The following SACS variants were observed in gnomAD, a reference collection of about 807,000 sequenced individuals.
SACS encodes the protein sacsin molecular chaperone.
SACS carries 197 observed loss-of-function variants against 348.0 expected under a neutral mutation model. That is an observed-to-expected ratio of 0.57 (90% CI 0.50 to 0.64). SACS has a LOEUF of 0.64. Ranked by LOEUF, SACS falls within the 30% of genes least tolerant of loss-of-function variation. SACS has a pLI of 0.00. For missense variants in SACS, 4,999 were observed against 5,360.8 expected (o/e 0.93, Z 2.11); for synonymous variants, 1,985 against 1,910.6 (o/e 1.04, Z -1.02).
In SACS at chr13:23,338,853, C is replaced by G. The variant is rs757209941; in HGVS notation, c.5023G>C (p.Glu1675Gln). 3.1e-6 allele frequency: 5 copies of G among 1,612,890 alleles called. No homozygotes were observed. The highest frequency in any genetic ancestry group is 3.3e-4 in the Middle Eastern group (2 of 6,062). Residue 1675 changes from glutamate (E) to glutamine (Q), a missense_variant, in exon 10 of 10, where the codon GAA becomes CAA. Glu to Gln is a conservative substitution (Grantham distance 29). Around this residue, in one of 6 missense-constraint regions of SACS, gnomAD observed 3,156 missense variants for 3,380.1 expected, o/e 0.93. Transcript: ENST00000382292. ...NTADIYSLVD[E>Q]FSLCGHRLII... ...AGCCTGTGTCCACAGAGACTAAATTCATCCACAAGAGAATAAATATCTGCT... is the reference window on the plus strand; with the variant it reads ...AGCCTGTGTCCACAGAGACTAAATTGATCCACAAGAGAATAAATATCTGCT...
intron 2 of SACS, among the ~76,000 whole-genome samples, chr13:23,401,388 T>C (rs34706014): frequency 0.093 from 14,230 of 152,258 alleles, 839 homozygotes; most frequent in South Asian, 0.13. Flanking sequence ...CCCTCCCCAC[T>C]TCCAGTCTTC....
Position 23,332,229 on chromosome 13 carries a change from C to T in SACS, c.11647G>A (p.Gly3883Ser). The change falls in exon 10 of 10, where the codon GGT becomes AGT. Residue 3883 changes from glycine to serine, a missense_variant. By Grantham distance (56) the Gly-to-Ser change is moderately conservative. Coordinates refer to ENST00000382292, the MANE Select transcript of SACS (RefSeq NM_014363.6). ...EMRTVKRVVS[G>S]LFRSLQNDSV... The stretch of plus-strand genomic sequence containing the variant: ...TCATTCTGTAGACTCCTGAACAGAC[C>T]AGAAACTACTCTCTTAACTGTACGC... 6.2e-7 allele frequency: 1 copy of T among 1,613,952 alleles called. No homozygotes were observed. Among genetic ancestry groups the T allele is most frequent in the Non-Finnish European group, 8.5e-7 (1 of 1,179,940 alleles).
In SACS at chr13:23,329,650, T is replaced by A; in HGVS notation, c.*486A>T. 1 of 536,912 alleles carries A rather than the reference T, an allele frequency of 1.9e-6. No homozygotes were observed. Among genetic ancestry groups the A allele is most frequent in the Non-Finnish European group, 3.2e-6 (1 of 309,234 alleles). 33.3% of individuals were successfully genotyped at this position (536,912 alleles called of 1,614,324 possible). On this transcript the variant is annotated 3_prime_UTR_variant, in exon 10 of 10. Coordinates refer to ENST00000382292, the MANE Select transcript of SACS (RefSeq NM_014363.6). ...ACATAAAATTACAACAAATTCATGA[T>A]CAGAGCCAGCTGATGAGAAAATAAC...
intron 1 of SACS, among the ~76,000 whole-genome samples, chr13:23,420,717 C>T (rs1174098774): frequency 6.6e-6 from 1 of 151,966 alleles, no homozygotes; most frequent in Non-Finnish European, 1.5e-5. Flanking sequence ...TGCCTGAGGA[C>T]TTCCTGGGCC....
intron 2 of SACS, among the ~76,000 whole-genome samples, chr13:23,408,703 C>T (rs568065053): frequency 2.0e-5 from 3 of 152,252 alleles, no homozygotes; most frequent in East Asian, 1.9e-4. Context: ...CAGTGGCTCA[C>T]GCCTGGAATC....
intron 1 of SACS, among the ~76,000 whole-genome samples, chr13:23,430,063 C>T (rs1327118654): frequency 6.6e-6 from 1 of 152,022 alleles, no homozygotes; most frequent in African/African-American, 2.4e-5. Context: ...CAAAAATTAG[C>T]CGGACGTGGT....
intron 6 of SACS, among the ~76,000 whole-genome samples, chr13:23,364,556 C>T (rs1242888196): frequency 6.6e-6 from 1 of 152,212 alleles, no homozygotes; most frequent in Non-Finnish European, 1.5e-5. Flanking sequence ...GCTAGGATTA[C>T]AGGCGTGAGC....
Position 23,330,463 on chromosome 13 carries a change from C to T in SACS, c.13413G>A (p.Glu4471=). The change falls in exon 10 of 10, where the codon GAG becomes GAA. Residue 4471 remains glutamate, a synonymous_variant. Transcript: ENST00000382292. The part of the protein sequence containing the change: ...ARNDLHKNAN[E]WVCFKCYLST... ...AAAGGTAACATTTAAAGCACACCCA[C>T]TCATTGGCATTTTTATGAAGGTCAT... The T allele has an allele frequency of 6.2e-7, 1 of 1,614,210 alleles. No individual in the cohort carries two copies. The highest frequency in any genetic ancestry group is 8.5e-7 in the Non-Finnish European group (1 of 1,180,040).
Position 23,340,975 on chromosome 13 carries a change from T to C in SACS, c.2901A>G (p.Ile967Met), listed in dbSNP as rs1021788532. The change falls in exon 10 of 10, where the codon ATA becomes ATG. Residue 967 changes from isoleucine (I) to methionine (M), a missense_variant. Physicochemically the swap from Ile to Met is conservative, Grantham distance 10. This residue lies in a region of SACS where 3,156 missense variants were observed against 3,380.1 expected (regional missense o/e 0.93). Transcript: ENST00000382292. ...GAATAGTAGCTTCATCACTACTGTC[T>C]ATTACTGAAATAGAAAGTCGCAGAT... ...PADLRLSISV[I>M]DSSDEATIRL... 6.2e-7 allele frequency: 1 copy of C among 1,614,048 alleles called. No homozygotes were observed. The highest frequency in any genetic ancestry group is 8.5e-7 in the Non-Finnish European group (1 of 1,179,994).
intron 2 of SACS, among the ~76,000 whole-genome samples, chr13:23,391,083 C>T (rs1872512087): frequency 6.6e-6 from 1 of 152,198 alleles, no homozygotes; most frequent in Admixed American, 6.5e-5. Context: ...TTTAAAATAC[C>T]AACACAAGGA....
At chr13:23,363,872 G>C (rs1336706888) in intron 6 of SACS, among the ~76,000 whole-genome samples, 1 of 152,170 alleles carries the variant, frequency 6.6e-6, no homozygotes, top group Non-Finnish European at 1.5e-5. Context: ...AGTACAATGG[G>C]GTAGTACTGT....
At chr13:23,379,180 A>C (rs1158230133) in intron 2 of SACS, among the ~76,000 whole-genome samples, 1 of 152,142 alleles carries the variant, frequency 6.6e-6, no homozygotes, top group African/African-American at 2.4e-5. Context: ...TCACAGCTCT[A>C]AACTCTCTTT....
rs1870311665 is a variant in SACS, at chr13:23,355,534, A to G, written c.1078T>C (p.Cys360Arg). The G allele has an allele frequency of 1.4e-5, 23 of 1,614,018 alleles. No homozygotes were observed. Among genetic ancestry groups the G allele is most frequent in the Non-Finnish European group, 1.9e-5 (23 of 1,180,014 alleles). ...ATGTTATTGCTTGGAGTCTTTTTACAATAGTTACTTATAGCAGTTCCCAGA... is the reference window on the plus strand; with the variant it reads ...ATGTTATTGCTTGGAGTCTTTTTACGATAGTTACTTATAGCAGTTCCCAGA... ...KILGTAISNYCKKTPSNNITC... is the reference protein window; with the variant it reads ...KILGTAISNYRKKTPSNNITC... The change falls in exon 8 of 10, where the codon TGT (cysteine) becomes CGT (arginine). Residue 360 changes from cysteine (C) to arginine (R), a missense_variant. Cys to Arg is a radical substitution (Grantham distance 180). This residue lies in a region of SACS where 3,156 missense variants were observed against 3,380.1 expected (regional missense o/e 0.93). Coordinates refer to ENST00000382292, the MANE Select transcript of SACS (RefSeq NM_014363.6).
intron 1 of SACS, among the ~76,000 whole-genome samples, chr13:23,432,331 G>A (rs929672621): frequency 6.6e-6 from 1 of 152,114 alleles, no homozygotes; most frequent in Admixed American, 6.6e-5. Flanking sequence ...TAGAAAATCT[G>A]GCTTGCTTTG....
At chr13:23,432,526 G>A (rs944700245) in intron 1 of SACS, among the ~76,000 whole-genome samples, 3 of 152,118 alleles carry the variant, frequency 2.0e-5, no homozygotes, top group Non-Finnish European at 2.9e-5. Context: ...AAGGCAGTCT[G>A]GATGGTCATA....
intron 2 of SACS, among the ~76,000 whole-genome samples, chr13:23,393,600 C>T (rs185347398): frequency 6.6e-6 from 1 of 152,244 alleles, no homozygotes; most frequent in Admixed American, 6.5e-5. Context: ...TTTAGTACTC[C>T]CATTGTGATC....
At chr13:23,390,402 G>A (rs1872484569) in intron 2 of SACS, among the ~76,000 whole-genome samples, 1 of 152,186 alleles carries the variant, frequency 6.6e-6, no homozygotes, top group Non-Finnish European at 1.5e-5. Flanking sequence ...GCTCACACTT[G>A]TAATCCCAGC....
In SACS at chr13:23,375,287, A is replaced by C; in HGVS notation, c.21-18T>G. The C allele has an allele frequency of 3.5e-6, 5 of 1,434,000 alleles. No homozygotes were observed. The highest frequency in any genetic ancestry group is 4.6e-6 in the Non-Finnish European group (5 of 1,085,746). The allele number at this position is 1,434,000 out of a possible 1,614,324, so 88.8% of individuals were successfully genotyped here. A position where few individuals can be genotyped will look rare whatever the true frequency, so the allele number is the denominator to read the frequency against. ...GGACCCACCTGTGGAAAGCAGAGGGACGCTCAGTCGGGCTGCGGCTGCCAC... is the reference window on the plus strand; with the variant it reads ...GGACCCACCTGTGGAAAGCAGAGGGCCGCTCAGTCGGGCTGCGGCTGCCAC... On this transcript the variant is annotated intron_variant, in intron 2 of 9. Transcript: ENST00000382292.
chr13:23,368,886 A>C (rs184681804), intron 4 of SACS, among the ~76,000 whole-genome samples: 1 of 151,984 alleles, frequency 6.6e-6, no homozygotes, highest in South Asian at 2.1e-4. Flanking sequence ...TTTTTAGTAG[A>C]GATGGGGTTT....
Sources: gnomAD v4.1 joint callset for allele counts (sites outside exome capture counted in the v4.1 genomes callset) on GRCh38, gnomAD v4.1.1 for gene constraint, gnomAD v4.1.1 regional missense constraint, MANE v1.5 for transcripts, NCBI Gene and HGNC (gene_info 2026-07-23, HGNC 2026-07-21) for gene names.